NKAIN3: variants seen among roughly 807,000 people sequenced by gnomAD.
NKAIN3 encodes the protein sodium/potassium-transporting ATPase subunit beta-1-interacting protein 3.
In NKAIN3, 25 loss-of-function variants were observed where a neutral mutation model predicts 30.2. That is an observed-to-expected ratio of 0.83 (90% CI 0.60 to 1.16). NKAIN3 has a LOEUF of 1.16. Ranked by LOEUF, NKAIN3 falls within the 50% of genes most tolerant of loss-of-function variation. NKAIN3 has a pLI of 0.00. For missense variants in NKAIN3, 225 were observed against 254.1 expected, an observed-to-expected ratio of 0.89 and a Z score of 0.78; for synonymous variants, 91 against 89.6, an observed-to-expected ratio of 1.02 and a Z score of -0.09.
rs909561020 is a variant in NKAIN3, at chr8:62,784,101, C to G, written c.471+36972C>G. Among the ~76,000 whole-genome samples the G allele has an allele frequency of 4.6e-5, 7 of 151,934 alleles. No homozygotes were observed. In the South Asian group the frequency reaches 1.0e-3, roughly 23 times the overall value. On this transcript the variant is annotated intron_variant, in intron 4 of 6. Transcript: ENST00000623646. ...GAATAGAACGGAAACTAAAACATAA[C>G]GTATCAAAATGTACAAGACACAGCT... is the stretch of plus-strand genomic sequence containing the variant.
In NKAIN3 at chr8:62,864,138, G is replaced by T. The variant is rs775364961; in HGVS notation, c.472-54315G>T. 198 of 620,084 alleles carry T rather than the reference G, an allele frequency of 3.2e-4. 1 individual carries two copies. The highest frequency in any genetic ancestry group is 2.1e-4 in the Non-Finnish European group (73 of 349,924). 38.4% of individuals were successfully genotyped at this position (620,084 alleles called of 1,614,324 possible). On this transcript the variant is annotated intron_variant, in intron 4 of 6. Transcript: ENST00000623646. ...TCGCGGAGGTGATGGCGACGCGAGC[G>T]CGGAAACCAGCCGGGCTGCGGCTTT... is the stretch of plus-strand genomic sequence containing the variant.
intron 1 of NKAIN3, among the ~76,000 whole-genome samples, chr8:62,369,220 T>C (rs1353805114): frequency 1.3e-5 from 2 of 152,100 alleles, no homozygotes; most frequent in Non-Finnish European, 2.9e-5. Context: ...GTTTTTTCTG[T>C]TGTTTTTGTG....
chr8:62,999,552 T>C (rs1287312668), exon 6 of NKAIN3: 1 of 151,990 alleles, frequency 6.6e-6, no homozygotes, highest in Non-Finnish European at 1.5e-5. Flanking sequence ...CTATATCATA[T>C]GGTTTGCAGA....
At chr8:62,951,622 C>A (rs1001527738) in intron 5 of NKAIN3, among the ~76,000 whole-genome samples, 3 of 151,928 alleles carry the variant, frequency 2.0e-5, no homozygotes, top group Non-Finnish European at 4.4e-5. Context: ...CCACGTCCAG[C>A]TAATTTTTGA....
chr8:62,955,894 G>A (rs1320341385), intron 6 of NKAIN3, among the ~76,000 whole-genome samples: 2 of 152,238 alleles, frequency 1.3e-5, no homozygotes, highest in Non-Finnish European at 2.9e-5. Context: ...GCAGTGGATA[G>A]CTGAATATAG....
At chr8:62,669,176 A>G (rs1044069293) in intron 3 of NKAIN3, among the ~76,000 whole-genome samples, 2 of 152,200 alleles carry the variant, frequency 1.3e-5, no homozygotes, top group Admixed American at 6.5e-5. Flanking sequence ...GGATGTTAAC[A>G]TTAGCCACTT....
chr8:62,453,200 CTT>C (rs1805706331), intron 1 of NKAIN3, among the ~76,000 whole-genome samples: 1 of 151,988 alleles, frequency 6.6e-6, no homozygotes, highest in African/African-American at 2.4e-5. Context: ...CAATATCATA[CTT>C]TTTTTGAGGT....
chr8:62,475,427 G>A (rs947813071), intron 1 of NKAIN3, among the ~76,000 whole-genome samples: 1 of 152,048 alleles, frequency 6.6e-6, no homozygotes, highest in African/African-American at 2.4e-5. Context: ...TGCCTCCATG[G>A]TCATTTCTGT....
intron 4 of NKAIN3, among the ~76,000 whole-genome samples, chr8:62,870,687 C>CTATATATCTATATATCTATATA (rs1563604393): frequency 2.5e-5 from 3 of 118,518 alleles, no homozygotes; most frequent in Non-Finnish European, 5.0e-5. Context: ...ATATCTATAT[C>CTATATATCTATATATCTATATA]TCTCTATCTA....
At chr8:62,766,839 C>T (rs1466035776) in intron 4 of NKAIN3, among the ~76,000 whole-genome samples, 3 of 152,134 alleles carry the variant, frequency 2.0e-5, no homozygotes, top group East Asian at 1.9e-4. Flanking sequence ...AACATTAAAC[C>T]TATGACATTC....
At chr8:62,404,924 G>A (rs563230878) in intron 1 of NKAIN3, among the ~76,000 whole-genome samples, 39 of 152,084 alleles carry the variant, frequency 2.6e-4, no homozygotes, top group African/African-American at 8.7e-4. Flanking sequence ...CACTGCTTGG[G>A]TATCACTGCT....
intron 1 of NKAIN3, among the ~76,000 whole-genome samples, chr8:62,510,203 G>T (rs1045568732): frequency 6.6e-6 from 1 of 152,138 alleles, no homozygotes; most frequent in Non-Finnish European, 1.5e-5. Flanking sequence ...ACAGTGAATA[G>T]TTAGGTATTG....
chr8:62,312,409 T>C (rs1814472529), intron 1 of NKAIN3, among the ~76,000 whole-genome samples: 1 of 150,618 alleles, frequency 6.6e-6, no homozygotes, highest in Non-Finnish European at 1.5e-5. Context: ...TTGGATTGCA[T>C]GAGCCACTTC....
chr8:62,345,669 C>CATATA (rs1815980519), intron 1 of NKAIN3, among the ~76,000 whole-genome samples: 1 of 143,688 alleles, frequency 7.0e-6, no homozygotes, highest in African/African-American at 2.6e-5. Flanking sequence ...ATATGTATAC[C>CATATA]TGGAATATAT....
chr8:62,851,009 T>G (rs1224885183), intron 4 of NKAIN3, among the ~76,000 whole-genome samples: 2 of 152,080 alleles, frequency 1.3e-5, no homozygotes, highest in Admixed American at 1.3e-4. Context: ...ATTGGTAGCT[T>G]GATGGGGATG....
chr8:62,888,428 C>G (rs1347396487), intron 4 of NKAIN3, among the ~76,000 whole-genome samples: 1 of 152,104 alleles, frequency 6.6e-6, no homozygotes, highest in Non-Finnish European at 1.5e-5. Context: ...TTCAAATGGT[C>G]CACTGTAAGC....
At chr8:62,956,409 C>T (rs1457703182) in intron 6 of NKAIN3, among the ~76,000 whole-genome samples, 2 of 152,178 alleles carry the variant, frequency 1.3e-5, no homozygotes, top group Non-Finnish European at 1.5e-5. Flanking sequence ...GAACAGGTAG[C>T]TTTGAACTCC....
At chr8:62,430,404 TG>T (rs1804958221) in intron 1 of NKAIN3, among the ~76,000 whole-genome samples, 1 of 146,538 alleles carries the variant, frequency 6.8e-6, no homozygotes, top group East Asian at 2.0e-4. Context: ...TGTGTGTGTG[TG>T]TGGATGGGTG....
chr8:62,874,529 G>T (rs1054676055), intron 4 of NKAIN3, among the ~76,000 whole-genome samples: 1 of 152,066 alleles, frequency 6.6e-6, no homozygotes, highest in Non-Finnish European at 1.5e-5. Flanking sequence ...AAAACTTCAG[G>T]CAAATATCCC....
Sources: allele counts gnomAD v4.1 joint callset (sites outside exome capture counted in the v4.1 genomes callset), GRCh38; gene constraint gnomAD v4.1.1; transcripts MANE v1.5; gene names NCBI Gene and HGNC (gene_info 2026-07-23, HGNC 2026-07-21).